SBF2: variants seen among roughly 807,000 people sequenced by gnomAD.
SBF2 encodes the protein SET binding factor 2.
In SBF2, 112 loss-of-function variants were observed where a neutral mutation model predicts 225.2. The observed-to-expected ratio is 0.50, with a 90% CI of 0.43 to 0.58. SBF2 has a LOEUF of 0.58. Among genes scored for constraint, SBF2 ranks in the 20% least tolerant of loss-of-function variants. The probability of loss-of-function intolerance (pLI) is 0.00; values close to 1 mark genes in which losing one functional copy is unlikely to be tolerated. For synonymous variants in SBF2, 763 were observed against 773.3 expected, an observed-to-expected ratio of 0.99 and a Z score of 0.22; for missense variants, 1,996 against 2,206.2, an observed-to-expected ratio of 0.90 and a Z score of 1.91.
rs72858826 is a variant in SBF2 at position 10,028,247 on chromosome 11, A to G, written c.619+205T>C. On this transcript the variant is annotated intron_variant, in intron 6 of 39. Coordinates refer to ENST00000256190, the MANE Select transcript of SBF2 (RefSeq NM_030962.4). ...TTCTAAAAGTCTAACTGACCTAAGG[A>G]AAAAAGGGGCCTGAGTTAAAATTTT... Among the ~76,000 whole-genome samples, 15,468 of 152,098 alleles carry G rather than the reference A, an allele frequency of 0.1. 996 individuals carry two copies. Among genetic ancestry groups the G allele is most frequent in the Middle Eastern group, 0.24 (70 of 294 alleles).
At chr11:10,090,926 A>C (rs983038778) in intron 2 of SBF2, among the ~76,000 whole-genome samples, 44 of 152,138 alleles carry the variant, frequency 2.9e-4, no homozygotes, top group Admixed American at 1.1e-3. Flanking sequence ...ATGAACAAGG[A>C]GTTTCTACTA....
At chr11:10,044,810 G>A (rs1372606873) in intron 2 of SBF2, among the ~76,000 whole-genome samples, 1 of 152,190 alleles carries the variant, frequency 6.6e-6, no homozygotes, top group African/African-American at 2.4e-5. Flanking sequence ...CTTGCGAATT[G>A]TGCATCTACC....
At chr11:9,890,372 C>A (rs1161292046) in intron 17 of SBF2, among the ~76,000 whole-genome samples, 1 of 152,128 alleles carries the variant, frequency 6.6e-6, no homozygotes, top group Admixed American at 6.5e-5. Flanking sequence ...TAATCTTCTT[C>A]AAACAAATCT....
At position 10,082,481 on chromosome 11, in the gene SBF2, C is replaced by A. The variant is rs369982572; in HGVS notation, c.142-39500G>T. Among the ~76,000 whole-genome samples the A allele has an allele frequency of 9.2e-5, 14 of 152,182 alleles. 1 individual carries two copies. The highest frequency in any genetic ancestry group is 3.4e-4 in the African/African-American group (14 of 41,534). On this transcript the variant is annotated intron_variant, in intron 2 of 39. Transcript: ENST00000256190. ...CCCTCTTGAACACAGACACAAAAAT[C>A]CTTGACGGAATACTAGAAAACTGAA...
intron 17 of SBF2, among the ~76,000 whole-genome samples, chr11:9,875,812 C>G (rs1463563310): frequency 6.6e-6 from 1 of 152,248 alleles, no homozygotes; most frequent in East Asian, 1.9e-4. Flanking sequence ...TGCCTATTAT[C>G]AAAAATTTGC....
At chr11:10,223,425 A>ATATATATAC (rs1565371379) in intron 1 of SBF2, among the ~76,000 whole-genome samples, 19 of 120,738 alleles carry the variant, frequency 1.6e-4, no homozygotes, top group East Asian at 6.6e-4. Context: ...ATATATATAT[A>ATATATATAC]TATATATATA....
chr11:10,006,796 T>C lies in SBF2; in HGVS notation c.620-4107A>G, dbSNP rs569040013. On this transcript the variant is annotated intron_variant, in intron 6 of 39. Coordinates refer to ENST00000256190, the MANE Select transcript of SBF2 (RefSeq NM_030962.4). ...ATATTGATCAAAATCTTCAAGGTCA[T>C]ATTTGAAGGGAGGGAAGTTCAGCCC... Among the ~76,000 whole-genome samples, 17 of 152,248 alleles carry C rather than the reference T, an allele frequency of 1.1e-4. 1 individual carries two copies. Among genetic ancestry groups the C allele is most frequent in the African/African-American group, 4.1e-4 (17 of 41,540 alleles).
intron 2 of SBF2, among the ~76,000 whole-genome samples, chr11:10,114,812 G>A (rs1953052476): frequency 6.6e-6 from 1 of 152,138 alleles, no homozygotes; most frequent in African/African-American, 2.4e-5. Flanking sequence ...TTCTTGTTGT[G>A]TTTATTATCT....
chr11:10,025,428 C>T (rs542058839), intron 6 of SBF2, among the ~76,000 whole-genome samples: 1 of 152,192 alleles, frequency 6.6e-6, no homozygotes, highest in South Asian at 2.1e-4. Flanking sequence ...AATTTTCCCT[C>T]TTCCCCATAA....
At chr11:10,041,908 G>GA (rs975769195) in intron 3 of SBF2, among the ~76,000 whole-genome samples, 1 of 150,204 alleles carries the variant, frequency 6.7e-6, no homozygotes, top group African/African-American at 2.4e-5. Context: ...AGCCTGGAAA[G>GA]AAAAACCACC....
At chr11:10,296,363 C>T (rs1565450414), upstream of SBF2, among the ~76,000 whole-genome samples, 1 of 152,152 alleles carries the variant, frequency 6.6e-6, no homozygotes, top group Non-Finnish European at 1.5e-5. Context: ...TTAATTGACT[C>T]ACAGTTCCAC....
At chr11:9,849,980 T>C (rs774684917) in intron 22 of SBF2, 43 bp downstream of exon 22, 7 of 1,557,808 alleles carry the variant, frequency 4.5e-6, no homozygotes, top group Admixed American at 1.7e-5. Flanking sequence ...AGACCTCATG[T>C]ACCACACAGA....
In SBF2 at chr11:9,977,807, A is replaced by G. The variant is rs549667705; in HGVS notation, c.1396-9262T>C. Among the ~76,000 whole-genome samples, 4 of 152,344 alleles carry G rather than the reference A, an allele frequency of 2.6e-5. No homozygotes were observed. The East Asian group carries it at 7.7e-4, about 29-fold the overall frequency. On this transcript the variant is annotated intron_variant, in intron 13 of 39. Transcript: ENST00000256190. ...ATTATTTGGGAAGCTCCAGAAAGCT[A>G]AAAGAGCAGCTAAGCTCAGTTACAA... is the stretch of plus-strand genomic sequence containing the variant.
chr11:9,788,157 A>G (rs1477855229), intron 35 of SBF2, among the ~76,000 whole-genome samples: 1 of 152,216 alleles, frequency 6.6e-6, no homozygotes, highest in East Asian at 1.9e-4. Context: ...CTGATGATTC[A>G]AACCAGATGT....
intron 26 of SBF2, among the ~76,000 whole-genome samples, chr11:9,836,618 T>G (rs1855750684): frequency 6.6e-6 from 1 of 152,164 alleles, no homozygotes. Context: ...ACCTTTTCAG[T>G]TTCCATTAAC....
At chr11:9,904,239 C>T (rs575741648) in intron 16 of SBF2, among the ~76,000 whole-genome samples, 28 of 151,728 alleles carry the variant, frequency 1.8e-4, no homozygotes, top group African/African-American at 5.1e-4. Flanking sequence ...TAAGGATACA[C>T]GAAATTTAAA....
At chr11:9,970,562 AAAATG>A (rs1313064018) in intron 13 of SBF2, among the ~76,000 whole-genome samples, 1 of 152,198 alleles carries the variant, frequency 6.6e-6, no homozygotes, top group African/African-American at 2.4e-5. Context: ...CTAGATAAAG[AAAATG>A]TTGGGCTAAG....
At chr11:9,830,038 G>A (rs1416393983) in intron 27 of SBF2, among the ~76,000 whole-genome samples, 1 of 152,208 alleles carries the variant, frequency 6.6e-6, no homozygotes, top group Non-Finnish European at 1.5e-5. Flanking sequence ...AAGAGTGGAA[G>A]AAGATGGGGA....
chr11:9,807,995 C>T lies in SBF2; in HGVS notation c.4443+5G>A, dbSNP rs1284559868. The T allele has an allele frequency of 1.2e-6, 2 of 1,613,884 alleles. No individual in the cohort carries two copies. Among genetic ancestry groups the T allele is most frequent in the Non-Finnish European group, 1.7e-6 (2 of 1,179,814 alleles). Reference sequence around the variant, plus strand: ...ATCAAGTCAACTCAAGCTTGCTCTACTTACCTGGTGTACACAGTCTAAGAA... The same window carrying T: ...ATCAAGTCAACTCAAGCTTGCTCTATTTACCTGGTGTACACAGTCTAAGAA... On this transcript the variant is annotated splice_donor_5th_base_variant and intron_variant, in intron 32 of 39. Transcript: ENST00000256190.
Sources: allele counts gnomAD v4.1 joint callset (sites outside exome capture counted in the v4.1 genomes callset), GRCh38; gene constraint gnomAD v4.1.1; transcripts MANE v1.5; gene names NCBI Gene and HGNC (gene_info 2026-07-23, HGNC 2026-07-21).